The following ZNF780B variants were observed in gnomAD, a reference collection of about 807,000 sequenced individuals.
The protein encoded by ZNF780B is zinc finger protein 779.
Under a neutral mutation model 74.1 loss-of-function variants are expected in ZNF780B, and 52 were observed. The ratio of observed to expected loss-of-function variants is 0.70; its 90% CI spans 0.56 to 0.88. The LOEUF is 0.88. Ranked by LOEUF, ZNF780B falls within the 40% of genes least tolerant of loss-of-function variation. ZNF780B has a pLI of 0.00. For synonymous variants in ZNF780B, 315 were observed against 324.3 expected (o/e 0.97, Z 0.31); for missense variants, 953 against 1,007.6 (o/e 0.95, Z 0.73).
At chr19:40,044,034 C>T (rs1427586051) in intron 4 of ZNF780B, among the ~76,000 whole-genome samples, 1 of 152,188 alleles carries the variant, frequency 6.6e-6, no homozygotes, top group East Asian at 1.9e-4. Context: ...TGTTCCTATT[C>T]GGCCATCTTG....
At chr19:40,045,286 C>T (rs755753823) in intron 4 of ZNF780B, among the ~76,000 whole-genome samples, 6 of 151,996 alleles carry the variant, frequency 3.9e-5, no homozygotes, top group Non-Finnish European at 7.4e-5. Context: ...ATTAGATCAT[C>T]TAGAGAGAAA....
intron 4 of ZNF780B, among the ~76,000 whole-genome samples, chr19:40,043,385 C>T (rs909283099): frequency 3.9e-5 from 6 of 152,358 alleles, no homozygotes; most frequent in East Asian, 3.9e-4. Flanking sequence ...CTTGAGGAGG[C>T]AGTCTGCCTG....
intron 4 of ZNF780B, among the ~76,000 whole-genome samples, chr19:40,043,302 G>A (rs527990338): frequency 1.1e-3 from 167 of 152,292 alleles, no homozygotes; most frequent in African/African-American, 2.9e-3. Flanking sequence ...AGGAGTACCC[G>A]GCCGTGTGAG....
rs768997570 is a variant in ZNF780B at position 40,048,802 on chromosome 19, A to G, written c.10-6T>C. ...TCCCTGAATGTCACTGATCCCTGAA[A>G]CCACAAACACATGGATTATGGTGAA... On this transcript the variant is annotated splice_polypyrimidine_tract_variant and splice_region_variant and intron_variant, in intron 2 of 4. Coordinates refer to ENST00000434248, the MANE Select transcript of ZNF780B (RefSeq NM_001005851.3). 1 of 1,614,038 alleles carries G rather than the reference A, an allele frequency of 6.2e-7. No homozygotes were observed. Among genetic ancestry groups the G allele is most frequent in the Non-Finnish European group, 8.5e-7 (1 of 1,179,970 alleles).
At chr19:40,042,295 T>C (rs141171611) in intron 4 of ZNF780B, among the ~76,000 whole-genome samples, 1,903 of 152,324 alleles carry the variant, frequency 0.012, 31 homozygotes, top group South Asian at 0.052. Context: ...GGGCTTCCCT[T>C]TGTGGGTAAC....
chr19:40,033,864 G>C lies in ZNF780B; in HGVS notation c.*493C>G, dbSNP rs201112771. 3.1e-4 allele frequency: 60 copies of C among 194,596 alleles called. No individual in the cohort carries two copies. Among genetic ancestry groups the C allele is most frequent in the Non-Finnish European group, 4.9e-4 (45 of 91,730 alleles). 12.1% of individuals were successfully genotyped at this position (194,596 alleles called of 1,614,324 possible). A position where few individuals can be genotyped will look rare whatever the true frequency, so the allele number is the denominator to read the frequency against. On this transcript the variant is annotated 3_prime_UTR_variant, in exon 5 of 5. Coordinates refer to ENST00000434248, the MANE Select transcript of ZNF780B (RefSeq NM_001005851.3). Reference sequence around the variant, plus strand: ...TTTACATTCACAGGGTTGCTCACCAGTATGAATTTTAACATGTTGAACAAG... The same window carrying C: ...TTTACATTCACAGGGTTGCTCACCACTATGAATTTTAACATGTTGAACAAG...
In ZNF780B at chr19:40,036,309, G is replaced by A; in HGVS notation, c.550C>T (p.Gln184Ter). ...GGTTTCTCTCCAGTATGAATACTCT[G>A]ATGCTGAATAAGATTTGAACCACAA... is the stretch of plus-strand genomic sequence containing the variant. ...FSCGSNLIQH[Q>*]SIHTGEKPYK... Residue 184 changes from glutamine to a stop codon, truncating the protein, a stop_gained, in exon 5 of 5, where the codon CAG (glutamine) becomes TAG (stop). Transcript: ENST00000434248. LOFTEE classifies it high-confidence loss of function. 6.2e-7 allele frequency: 1 copy of A among 1,613,874 alleles called. No individual in the cohort carries two copies. The highest frequency in any genetic ancestry group is 1.7e-4 in the Middle Eastern group (1 of 6,058).
chr19:40,034,993 G>A lies in ZNF780B; in HGVS notation c.1866C>T (p.Phe622=), dbSNP rs74441825. Reference sequence around the variant, plus strand: ...GGTGATTAAGCTGGGTGTGAAGACTGAAGGCCTTGCCACATTCCTTACATT... The same window carrying A: ...GGTGATTAAGCTGGGTGTGAAGACTAAAGGCCTTGCCACATTCCTTACATT... ...PFECKECGKA[F]SLHTQLNHHK... Residue 622 remains phenylalanine (F), a synonymous_variant, in exon 5 of 5, where the codon TTC becomes TTT. Transcript: ENST00000434248. 16,619 of 1,613,282 alleles carry A rather than the reference G, an allele frequency of 0.01. 121 individuals are homozygous for A. The highest frequency in any genetic ancestry group is 0.013 in the Non-Finnish European group (15,366 of 1,179,734).
chr19:40,031,001 T>C lies in ZNF780B; in HGVS notation c.*3356A>G, dbSNP rs944627469. 1 of 152,238 alleles carries C rather than the reference T, an allele frequency of 6.6e-6. No homozygotes were observed. The highest frequency in any genetic ancestry group is 2.4e-5 in the African/African-American group (1 of 41,462). The allele number at this position is 152,238 out of a possible 1,614,324, so 9.4% of individuals were successfully genotyped here. On this transcript the variant is annotated 3_prime_UTR_variant, in exon 5 of 5. Coordinates refer to ENST00000434248, the MANE Select transcript of ZNF780B (RefSeq NM_001005851.3). ...AAAAATACTTGGAAAATTATAACTTTACTTATGATTATAGATGCAATTAAA... is the reference window on the plus strand; with the variant it reads ...AAAAATACTTGGAAAATTATAACTTCACTTATGATTATAGATGCAATTAAA...
At chr19:40,042,839 T>C (rs919297757) in intron 4 of ZNF780B, among the ~76,000 whole-genome samples, 2 of 152,180 alleles carry the variant, frequency 1.3e-5, no homozygotes, top group African/African-American at 4.8e-5. Context: ...TTTTTGCCAT[T>C]GGTTTGAATT....
At position 40,031,989 on chromosome 19, in the gene ZNF780B, A is replaced by G. The variant is rs945732597; in HGVS notation, c.*2368T>C. ...GACAGTACAATATGACATAGAAATA[A>G]CCTACAAAGTATTCTTCCCCAAAAC... On this transcript the variant is annotated 3_prime_UTR_variant, in exon 5 of 5. Coordinates refer to ENST00000434248, the MANE Select transcript of ZNF780B (RefSeq NM_001005851.3). The G allele has an allele frequency of 4.5e-6, 2 of 443,120 alleles. No homozygotes were observed. Among genetic ancestry groups the G allele is most frequent in the African/African-American group, 2.0e-5 (1 of 48,822 alleles). The allele number at this position is 443,120 out of a possible 1,614,324, so 27.4% of individuals were successfully genotyped here.
At chr19:40,049,077 A>C in intron 2 of ZNF780B, 1 of 378,510 alleles carries the variant, frequency 2.6e-6, no homozygotes, top group Non-Finnish European at 4.9e-6. Flanking sequence ...AAAAAAAAGA[A>C]AGAAAGAAAG....
In ZNF780B at chr19:40,035,055, G is replaced by A. The variant is rs773508811; in HGVS notation, c.1804C>T (p.Arg602Ter). The change falls in exon 5 of 5, where the codon CGA becomes TGA. Residue 602 changes from arginine to a stop codon, truncating the protein, a stop_gained. Transcript: ENST00000434248. LOFTEE classifies it high-confidence loss of function. ...KAFRLHMHLI[R>*]HQKFHTGEKP... Reference sequence around the variant, plus strand: ...TCACCAGTATGAAATTTCTGATGTCGAATAAGGTGCATATGAAGTCGAAAG... The same window carrying A: ...TCACCAGTATGAAATTTCTGATGTCAAATAAGGTGCATATGAAGTCGAAAG... 54 of 1,614,056 alleles carry A rather than the reference G, an allele frequency of 3.3e-5. No individual in the cohort carries two copies. In the East Asian group the frequency reaches 7.6e-4, roughly 23 times the overall value.
At position 40,035,105 on chromosome 19, in the gene ZNF780B, A is replaced by C; in HGVS notation, c.1754T>G (p.Phe585Cys). Residue 585 changes from phenylalanine to cysteine, a missense_variant, in exon 5 of 5, where the codon TTT becomes TGT. Phe to Cys is a radical substitution (Grantham distance 205). Transcript: ENST00000434248. The stretch of plus-strand genomic sequence containing the variant: ...GGCTTTCCCACATTCCTTACATTCA[A>C]AGGGTTTCTTTCCGGTATGAATACT... ...HRSIHTGKKP[F>C]ECKECGKAFR... The C allele has an allele frequency of 6.2e-7, 1 of 1,613,620 alleles. No homozygotes were observed. Among genetic ancestry groups the C allele is most frequent in the Non-Finnish European group, 8.5e-7 (1 of 1,179,750 alleles).
In ZNF780B at chr19:40,036,254, A is replaced by G. The variant is rs767390188; in HGVS notation, c.605T>C (p.Phe202Ser). 14 of 1,612,298 alleles carry G rather than the reference A, an allele frequency of 8.7e-6. No individual in the cohort carries two copies. The highest frequency in any genetic ancestry group is 1.2e-5 in the Non-Finnish European group (14 of 1,179,404). ...TCGAGTAAGTTGTATGTGAAGTTGAAAGGCTTTCCCACATTCTTTGCATTT... is the reference window on the plus strand; with the variant it reads ...TCGAGTAAGTTGTATGTGAAGTTGAGAGGCTTTCCCACATTCTTTGCATTT... ...PYKCKECGKA[F>S]QLHIQLTRHQ... Residue 202 changes from phenylalanine to serine, a missense_variant, in exon 5 of 5, where the codon TTT becomes TCT. Transcript: ENST00000434248.
chr19:40,054,140 A>G (rs1398311568), intron 1 of ZNF780B, among the ~76,000 whole-genome samples: 1 of 152,172 alleles, frequency 6.6e-6, no homozygotes, highest in African/African-American at 2.4e-5. Context: ...GCAACAGAGT[A>G]AGACACTCTC....
At chr19:40,045,342 G>C (rs999048254) in intron 4 of ZNF780B, among the ~76,000 whole-genome samples, 1 of 151,716 alleles carries the variant, frequency 6.6e-6, no homozygotes, top group Non-Finnish European at 1.5e-5. Context: ...GAGGATGAGG[G>C]AAAAAGGGAA....
At chr19:40,055,675 C>A (rs1973462461) in intron 1 of ZNF780B, 1 of 152,258 alleles carries the variant, frequency 6.6e-6, no homozygotes, top group Non-Finnish European at 1.5e-5. Flanking sequence ...GGGTTCTCAA[C>A]ATGTAGCTGC....
At chr19:40,039,271 ATC>A (rs1443563294) in intron 4 of ZNF780B, among the ~76,000 whole-genome samples, 1 of 152,166 alleles carries the variant, frequency 6.6e-6, no homozygotes, top group African/African-American at 2.4e-5. Context: ...ATTGATCTAT[ATC>A]TCTGTTTTGG....
Sources: allele counts gnomAD v4.1 joint callset (sites outside exome capture counted in the v4.1 genomes callset), GRCh38; gene constraint gnomAD v4.1.1; transcripts MANE v1.5; gene names NCBI Gene and HGNC (gene_info 2026-07-23, HGNC 2026-07-21).